MAN1A2: variants seen among roughly 807,000 people sequenced by gnomAD.
The protein encoded by MAN1A2 is mannosyl-oligosaccharide 1,2-alpha-mannosidase IB.
MAN1A2 carries 26 observed loss-of-function variants against 75.7 expected under a neutral mutation model. The observed-to-expected ratio is 0.34, with a 90% CI of 0.25 to 0.48. MAN1A2 has a LOEUF of 0.48. Ranked by LOEUF, MAN1A2 falls within the 20% of genes least tolerant of loss-of-function variation. The pLI is 0.99. For synonymous variants in MAN1A2, 247 were observed against 264.6 expected, an observed-to-expected ratio of 0.93 and a Z score of 0.65; for missense variants, 562 against 775.5, an observed-to-expected ratio of 0.72 and a Z score of 3.27.
At chr1:117,478,480 T>C (rs1650388428) in intron 8 of MAN1A2, among the ~76,000 whole-genome samples, 1 of 151,942 alleles carries the variant, frequency 6.6e-6, no homozygotes, top group Admixed American at 6.6e-5. Flanking sequence ...AAGAAATCTT[T>C]GCCTAACTCA....
chr1:117,372,127 T>C (rs1030346840), intron 1 of MAN1A2, among the ~76,000 whole-genome samples: 1 of 152,102 alleles, frequency 6.6e-6, no homozygotes, highest in African/African-American at 2.4e-5. Flanking sequence ...CATTTTAAAT[T>C]AAAAAAATTA....
chr1:117,451,460 G>A (rs1200009016), intron 6 of MAN1A2, among the ~76,000 whole-genome samples: 2 of 152,174 alleles, frequency 1.3e-5, no homozygotes, highest in East Asian at 3.9e-4. Flanking sequence ...GGGGACTGTT[G>A]GGAAGGCATG....
At chr1:117,379,232 G>T (rs1248104980) in intron 1 of MAN1A2, among the ~76,000 whole-genome samples, 1 of 151,874 alleles carries the variant, frequency 6.6e-6, no homozygotes, top group African/African-American at 2.4e-5. Context: ...ACTTATTGAA[G>T]AGTCTGTTTT....
intron 1 of MAN1A2, among the ~76,000 whole-genome samples, chr1:117,388,786 A>C (rs541108317): frequency 6.6e-6 from 1 of 152,356 alleles, no homozygotes; most frequent in East Asian, 1.9e-4. Context: ...CTTGGGGCCA[A>C]GGTCTGCACA....
chr1:117,445,888 A>ATATG (rs1649216699), intron 6 of MAN1A2, among the ~76,000 whole-genome samples: 1 of 143,650 alleles, frequency 7.0e-6, no homozygotes, highest in Non-Finnish European at 1.5e-5. Context: ...GTGTGTGTAT[A>ATATG]TATATATATA....
chr1:117,370,347 C>T (rs1557921765), intron 1 of MAN1A2, among the ~76,000 whole-genome samples: 1 of 152,106 alleles, frequency 6.6e-6, no homozygotes, highest in Non-Finnish European at 1.5e-5. Flanking sequence ...GATTCCAATG[C>T]AGTTTTTGGA....
intron 8 of MAN1A2, among the ~76,000 whole-genome samples, chr1:117,486,553 A>T (rs1381337555): frequency 6.6e-6 from 1 of 152,044 alleles, no homozygotes; most frequent in Non-Finnish European, 1.5e-5. Context: ...TAAAAATAGG[A>T]TGCTATGAAA....
chr1:117,426,722 C>T (rs918226572), intron 5 of MAN1A2, among the ~76,000 whole-genome samples: 1 of 152,150 alleles, frequency 6.6e-6, no homozygotes, highest in Non-Finnish European at 1.5e-5. Context: ...ATACTTATTG[C>T]TTTCATACCA....
intron 10 of MAN1A2, among the ~76,000 whole-genome samples, chr1:117,497,637 G>A (rs1486450664): frequency 2.0e-5 from 3 of 151,794 alleles, no homozygotes; most frequent in Non-Finnish European, 2.9e-5. Context: ...TATACATATA[G>A]TCATAAATAG....
At chr1:117,444,752 T>C (rs1352390247) in intron 6 of MAN1A2, among the ~76,000 whole-genome samples, 1 of 152,048 alleles carries the variant, frequency 6.6e-6, no homozygotes, top group Admixed American at 6.6e-5. Flanking sequence ...TTGTAGATTA[T>C]ATAATTAATT....
At chr1:117,428,381 C>T (rs1227336642) in intron 5 of MAN1A2, among the ~76,000 whole-genome samples, 2 of 151,862 alleles carry the variant, frequency 1.3e-5, no homozygotes, top group Non-Finnish European at 2.9e-5. Context: ...TCCCAAAGTG[C>T]TGGGATTACA....
Position 117,523,486 on chromosome 1 carries a change from C to A in MAN1A2, c.*529C>A. 1 of 230,342 alleles carries A rather than the reference C, an allele frequency of 4.3e-6. No homozygotes were observed. Among genetic ancestry groups the A allele is most frequent in the African/African-American group, 2.3e-5 (1 of 42,858 alleles). 14.3% of individuals were successfully genotyped at this position (230,342 alleles called of 1,614,324 possible). On this transcript the variant is annotated 3_prime_UTR_variant, in exon 13 of 13. Coordinates refer to ENST00000356554, the MANE Select transcript of MAN1A2 (RefSeq NM_006699.5). ...TAATTATATCAGTAACAAGAAGACT[C>A]AAAAAAGAAACAGGAGTACCTATCC...
At position 117,527,505 on chromosome 1, in the gene MAN1A2, TATA is replaced by T. The variant is rs1652060489; in HGVS notation, c.*4552_*4554del. 6.6e-6 allele frequency: 1 copy of T among 152,002 alleles called. No homozygotes were observed. Among genetic ancestry groups the T allele is most frequent in the African/African-American group, 2.4e-5 (1 of 41,418 alleles). 9.4% of individuals were successfully genotyped at this position (152,002 alleles called of 1,614,324 possible). ...TGTGTGTATCTGTATAACCTAAAGC[TATA>T]ATATTTTGTTGTCTTGAAAGCAGAT... is the stretch of plus-strand genomic sequence containing the variant. On this transcript the variant is annotated 3_prime_UTR_variant, in exon 13 of 13. Transcript: ENST00000356554.
intron 12 of MAN1A2, among the ~76,000 whole-genome samples, chr1:117,506,850 T>A (rs956076634): frequency 2.6e-5 from 4 of 151,408 alleles, no homozygotes; most frequent in Admixed American, 6.6e-5. Context: ...AAAGGTAGAA[T>A]TGACAAACCT....
chr1:117,489,933 T>C (rs1650828126), intron 8 of MAN1A2, among the ~76,000 whole-genome samples: 1 of 151,688 alleles, frequency 6.6e-6, no homozygotes, highest in Non-Finnish European at 1.5e-5. Context: ...TTATAAGAAA[T>C]GTACTTTTTT....
rs1464703297 is a variant in MAN1A2 at position 117,466,379 on chromosome 1, G to A, written c.1120G>A (p.Gly374Ser). The change falls in exon 8 of 13, where the codon GGT (glycine) becomes AGT (serine). Residue 374 changes from glycine to serine, a missense_variant. Physicochemically the swap from Gly to Ser is moderately conservative, Grantham distance 56. Transcript: ENST00000356554. The part of the protein sequence containing the change: ...KLLQKMDRPN[G>S]LYPNYLNPRT... ...ACTTCAGAAAATGGATCGTCCAAAT[G>A]GTCTTTATCCAAATTATTTGAACCC... 5 of 1,611,972 alleles carry A rather than the reference G, an allele frequency of 3.1e-6. No homozygotes were observed. Among genetic ancestry groups the A allele is most frequent in the Admixed American group, 1.7e-5 (1 of 59,836 alleles).
At chr1:117,368,608 T>C in intron 1 of MAN1A2, 123 bp downstream of exon 1, 2 of 875,108 alleles carry the variant, frequency 2.3e-6, no homozygotes, top group African/African-American at 1.7e-5. Context: ...AATATTGTAT[T>C]GTTACTTCAA....
chr1:117,432,084 A>G (rs776601173), intron 5 of MAN1A2, among the ~76,000 whole-genome samples: 1 of 152,276 alleles, frequency 6.6e-6, no homozygotes, highest in Non-Finnish European at 1.5e-5. Context: ...CAAGTAAGCA[A>G]TTACAAAGGA....
At chr1:117,460,441 G>T (rs1649781009) in intron 6 of MAN1A2, 48 bp from the exon 7 acceptor site, 1 of 1,364,168 alleles carries the variant, frequency 7.3e-7, no homozygotes, top group Non-Finnish European at 1.0e-6. Context: ...CGAATGTTTT[G>T]GTCTTTTCCC....
Sources: allele counts gnomAD v4.1 joint callset (sites outside exome capture counted in the v4.1 genomes callset), GRCh38; gene constraint gnomAD v4.1.1; transcripts MANE v1.5; gene names NCBI Gene and HGNC (gene_info 2026-07-23, HGNC 2026-07-21).